SBSPON: variants seen among roughly 807,000 people sequenced by gnomAD.
SBSPON encodes somatomedin B and thrombospondin type 1 domain containing.
Under a neutral mutation model 35.8 loss-of-function variants are expected in SBSPON, and 30 were observed. That is an observed-to-expected ratio of 0.84 (90% CI 0.63 to 1.14). The LOEUF is 1.14. Among genes scored for constraint, SBSPON ranks in the 50% most tolerant of loss-of-function variants. SBSPON has a pLI of 0.00. For missense variants in SBSPON, 364 were observed against 357.7 expected, an observed-to-expected ratio of 1.02 and a Z score of -0.14; for synonymous variants, 136 against 135.9, an observed-to-expected ratio of 1.00 and a Z score of 0.00.
Position 73,071,805 on chromosome 8 carries a change from AGTGTGGAGAC to A in SBSPON, c.465_474del (p.Ser156GlyfsTer19), listed in dbSNP as rs1243751492. 11 of 1,605,888 alleles carry A rather than the reference AGTGTGGAGAC, an allele frequency of 6.8e-6. No individual in the cohort carries two copies. Among genetic ancestry groups the A allele is most frequent in the Non-Finnish European group, 9.4e-6 (11 of 1,173,778 alleles). The stretch of plus-strand genomic sequence containing the variant: ...CCAGCATCCTCTGTGTGTGTAGACC[AGTGTGGAGAC>A]GTAGCTTGTCGTGTTCTCTCCTTGT... On this transcript the variant is annotated frameshift_variant, in exon 3 of 5. Coordinates refer to ENST00000297354, the MANE Select transcript of SBSPON (RefSeq NM_153225.4). LOFTEE classifies it high-confidence loss of function.
Position 73,067,467 on chromosome 8 carries a change from A to G in SBSPON, c.678-9T>C. On this transcript the variant is annotated splice_polypyrimidine_tract_variant and intron_variant, in intron 4 of 4. Transcript: ENST00000297354. ...AATGGAGAGTCTGATTTCTGAAACG[A>G]TATTTCGAAAGTGTTAGTTACACTA... 6.6e-7 allele frequency: 1 copy of G among 1,514,240 alleles called. No homozygotes were observed. The highest frequency in any genetic ancestry group is 1.7e-5 in the Admixed American group (1 of 59,618). 93.8% of individuals were successfully genotyped at this position (1,514,240 alleles called of 1,614,324 possible).
intron 1 of SBSPON, among the ~76,000 whole-genome samples, chr8:73,085,224 T>C (rs1304514613): frequency 6.6e-6 from 1 of 152,068 alleles, no homozygotes; most frequent in Non-Finnish European, 1.5e-5. Flanking sequence ...AGAAGGAGCA[T>C]TGTTTTCTGT....
chr8:73,067,822 A>G (rs1810421992), intron 4 of SBSPON, among the ~76,000 whole-genome samples: 1 of 149,190 alleles, frequency 6.7e-6, no homozygotes, highest in Non-Finnish European at 1.5e-5. Flanking sequence ...GGGATTAGAA[A>G]CATGACCCAC....
At position 73,067,366 on chromosome 8, in the gene SBSPON, G is replaced by A. The variant is rs932784698; in HGVS notation, c.770C>T (p.Ala257Val). 2.3e-5 allele frequency: 36 copies of A among 1,599,846 alleles called. No homozygotes were observed. Among genetic ancestry groups the A allele is most frequent in the Non-Finnish European group, 2.7e-5 (32 of 1,167,674 alleles). Residue 257 changes from alanine (A) to valine (V), a missense_variant, in exon 5 of 5, where the codon GCT becomes GTT. Physicochemically the swap from Ala to Val is moderately conservative, Grantham distance 64. Transcript: ENST00000297354. ...VRRVDQCSCP[A>V]VHSFIFI ...CTATATAAAAATAAAACTGTGAACA[G>A]CTGGACAAGAACACTGGTCTACTCG...
chr8:73,071,860 A>T lies in SBSPON; in HGVS notation c.420T>A (p.Phe140Leu). The T allele has an allele frequency of 6.2e-7, 1 of 1,605,700 alleles. No individual in the cohort carries two copies. The highest frequency in any genetic ancestry group is 8.5e-7 in the Non-Finnish European group (1 of 1,172,356). ...QDCGHTYVPA[F>L]ITTSAFNKER... ...CCTTGTTGAATGCAGAGGTAGTTAT[A>T]AAGGCAGGAACTGGAAAAGGGAGAT... The change falls in exon 3 of 5, where the codon TTT becomes TTA. Residue 140 changes from phenylalanine (F) to leucine (L), a missense_variant. Coordinates refer to ENST00000297354, the MANE Select transcript of SBSPON (RefSeq NM_153225.4).
intron 2 of SBSPON, chr8:73,074,678 G>A (rs1042390998): frequency 2.4e-4 from 119 of 492,380 alleles, no homozygotes; most frequent in Middle Eastern, 1.0e-3. Context: ...TTTCTGTCAC[G>A]AATCATTATG....
At chr8:73,075,444 G>A (rs1810575868) in intron 2 of SBSPON, among the ~76,000 whole-genome samples, 1 of 152,178 alleles carries the variant, frequency 6.6e-6, no homozygotes, top group Non-Finnish European at 1.5e-5. Flanking sequence ...CCACACTTCT[G>A]CTAATGTGCG....
rs771369947 is a variant in SBSPON at position 73,081,059 on chromosome 8, C to G, written c.369G>C (p.Glu123Asp). ...AGTCCTGGCCCTGCGGGGTGGAGTA[C>G]TCCAGGCAGCCAGCTCTCTCTTCCA... ...PPLEERAGCL[E>D]YSTPQGQDCG... Residue 123 changes from glutamate (E) to aspartate (D), a missense_variant, in exon 2 of 5, where the codon GAG (glutamate) becomes GAC (aspartate). Transcript: ENST00000297354. 6.2e-7 allele frequency: 1 copy of G among 1,611,848 alleles called. No individual in the cohort carries two copies. Among genetic ancestry groups the G allele is most frequent in the Admixed American group, 1.7e-5 (1 of 59,764 alleles).
At chr8:73,083,068 A>G (rs752146088) in intron 1 of SBSPON, among the ~76,000 whole-genome samples, 1 of 152,162 alleles carries the variant, frequency 6.6e-6, no homozygotes, top group Non-Finnish European at 1.5e-5. Flanking sequence ...GGGTTTTCTG[A>G]CTGAACTTAG....
intron 1 of SBSPON, among the ~76,000 whole-genome samples, chr8:73,086,324 C>T (rs534402570): frequency 2.0e-5 from 3 of 152,148 alleles, no homozygotes; most frequent in South Asian, 2.1e-4. Context: ...CCCTGCCTGG[C>T]TAATTTTTTG....
intron 1 of SBSPON, among the ~76,000 whole-genome samples, chr8:73,090,670 C>T (rs1467723913): frequency 6.6e-6 from 1 of 152,196 alleles, no homozygotes; most frequent in East Asian, 1.9e-4. Flanking sequence ...TTCAGTCCCC[C>T]ACCTGCTTCC....
chr8:73,081,295 G>T, intron 1 of SBSPON, 82 bp from the exon 2 acceptor site: 1 of 1,236,170 alleles, frequency 8.1e-7, no homozygotes, highest in Non-Finnish European at 1.1e-6. Flanking sequence ...AAACAGCTGA[G>T]TTTAGCTCCA....
intron 2 of SBSPON, among the ~76,000 whole-genome samples, chr8:73,079,290 T>A (rs937931801): frequency 1.3e-5 from 2 of 151,964 alleles, no homozygotes; most frequent in Non-Finnish European, 2.9e-5. Context: ...ACCTTGACAT[T>A]TAAGGCCCCT....
At position 73,080,773 on chromosome 8, in the gene SBSPON, T is replaced by C. The variant is rs531763551; in HGVS notation, c.409+246A>G. Reference sequence around the variant, plus strand: ...ATTTCATTACTGAGTCCGTGCACAATGAGAATGGGCCATCGGATTATAAAA... The same window carrying C: ...ATTTCATTACTGAGTCCGTGCACAACGAGAATGGGCCATCGGATTATAAAA... On this transcript the variant is annotated intron_variant, in intron 2 of 4. Transcript: ENST00000297354. Among the ~76,000 whole-genome samples, 12 of 152,136 alleles carry C rather than the reference T, an allele frequency of 7.9e-5. No individual in the cohort carries two copies. In the East Asian group the frequency reaches 2.3e-3, roughly 30 times the overall value.
At chr8:73,067,609 T>TATATATATATATAG (rs1491140504) in intron 4 of SBSPON, 151 bp from the exon 5 acceptor site, 1,563 of 12,872 alleles carry the variant, frequency 0.12, 126 homozygotes, top group Non-Finnish European at 0.16. Flanking sequence ...ATATATATAG[T>TATATATATATATAG]TTTTTTTTTT....
intron 1 of SBSPON, among the ~76,000 whole-genome samples, chr8:73,092,312 G>A (rs1401686433): frequency 6.6e-6 from 1 of 152,182 alleles, no homozygotes; most frequent in Non-Finnish European, 1.5e-5. Context: ...CAGAGATGAG[G>A]ACATCTTCAG....
At chr8:73,085,449 GCTTA>G (rs1810805432) in intron 1 of SBSPON, 1 of 151,310 alleles carries the variant, frequency 6.6e-6, no homozygotes, top group African/African-American at 2.4e-5. Flanking sequence ...AAAAATCCAT[GCTTA>G]CCTTTTCTAT....
intron 2 of SBSPON, 74 bp downstream of exon 2, chr8:73,080,945 T>C (rs1810685317): frequency 3.7e-6 from 5 of 1,350,504 alleles, no homozygotes; most frequent in Non-Finnish European, 3.0e-6. Context: ...GCACAGCATA[T>C]GGCCTTTTGT....
At chr8:73,084,295 A>G (rs1209545328) in intron 1 of SBSPON, among the ~76,000 whole-genome samples, 1 of 152,272 alleles carries the variant, frequency 6.6e-6, no homozygotes, top group Non-Finnish European at 1.5e-5. Flanking sequence ...ATCACACACA[A>G]GAGTGCAGCA....
Sources: gnomAD v4.1 joint callset for allele counts (sites outside exome capture counted in the v4.1 genomes callset) on GRCh38, gnomAD v4.1.1 for gene constraint, MANE v1.5 for transcripts, NCBI Gene and HGNC (gene_info 2026-07-23, HGNC 2026-07-21) for gene names.